SNTG2: variants seen among roughly 807,000 people sequenced by gnomAD.
SNTG2 encodes syntrophin gamma 2.
Under a neutral mutation model 70.9 loss-of-function variants are expected in SNTG2, and 74 were observed. That is an observed-to-expected ratio of 1.04 (90% CI 0.86 to 1.27). The LOEUF (loss-of-function observed/expected upper bound fraction) is 1.27. SNTG2 is among the 50% of genes most tolerant of loss of function. SNTG2 has a pLI of 0.00. For synonymous variants in SNTG2, 278 were observed against 273.8 expected (o/e 1.02, Z -0.15); for missense variants, 717 against 690.7 (o/e 1.04, Z -0.43).
intron 1 of SNTG2, among the ~76,000 whole-genome samples, chr2:1,047,738 T>C (rs1661818994): frequency 6.6e-6 from 1 of 152,228 alleles, no homozygotes; most frequent in South Asian, 2.1e-4. Flanking sequence ...TTTTATTTCC[T>C]CATGTTTGCA....
chr2:1,145,467 C>A (rs1197918982), intron 6 of SNTG2, among the ~76,000 whole-genome samples: 1 of 152,158 alleles, frequency 6.6e-6, no homozygotes, highest in African/African-American at 2.4e-5. Flanking sequence ...GGATAAAATG[C>A]ACCAATTCCT....
intron 2 of SNTG2, among the ~76,000 whole-genome samples, chr2:1,089,937 T>G (rs1478186696): frequency 6.6e-6 from 1 of 152,228 alleles, no homozygotes; most frequent in Non-Finnish European, 1.5e-5. Flanking sequence ...GAGTGAAGTG[T>G]GCCTCCACAT....
At chr2:1,260,216 GGTTT>G (rs759438225) in intron 13 of SNTG2, among the ~76,000 whole-genome samples, 12 of 152,110 alleles carry the variant, frequency 7.9e-5, no homozygotes, top group Non-Finnish European at 1.5e-4. Flanking sequence ...TTCAAAGTTT[GGTTT>G]GTTTTCTTAA....
chr2:1,147,215 G>C (rs115556423), intron 6 of SNTG2, among the ~76,000 whole-genome samples: 3,252 of 152,240 alleles, frequency 0.021, 116 homozygotes, highest in African/African-American at 0.074. Context: ...GACAAGGGTT[G>C]GGCTTGTGAT....
chr2:1,012,236 T>C (rs1056101390), intron 1 of SNTG2, among the ~76,000 whole-genome samples: 2 of 152,222 alleles, frequency 1.3e-5, no homozygotes, highest in African/African-American at 4.8e-5. Flanking sequence ...ATGCCTACAT[T>C]GCCAGGGACT....
intron 1 of SNTG2, among the ~76,000 whole-genome samples, chr2:1,050,994 A>G (rs990578609): frequency 1.3e-5 from 2 of 152,250 alleles, no homozygotes; most frequent in South Asian, 2.1e-4. Context: ...AAATATTGAC[A>G]TAATAAACTG....
At chr2:1,222,142 T>A (rs1358098120) in intron 9 of SNTG2, among the ~76,000 whole-genome samples, 2 of 151,324 alleles carry the variant, frequency 1.3e-5, no homozygotes, top group Non-Finnish European at 2.9e-5. Context: ...TCTGTCTCTC[T>A]CTGTCTCTGC....
chr2:1,048,229 T>C (rs890471652), intron 1 of SNTG2, among the ~76,000 whole-genome samples: 7 of 152,300 alleles, frequency 4.6e-5, no homozygotes, highest in African/African-American at 1.4e-4. Flanking sequence ...TTTACTGATA[T>C]ACAATATGCA....
At chr2:1,266,963 G>T (rs1372312705) in intron 13 of SNTG2, among the ~76,000 whole-genome samples, 1 of 151,858 alleles carries the variant, frequency 6.6e-6, no homozygotes, top group African/African-American at 2.4e-5. Flanking sequence ...TGAAGACAAG[G>T]TCTTGCCATG....
chr2:985,308 A>G (rs1249209893), intron 1 of SNTG2, among the ~76,000 whole-genome samples: 1 of 152,120 alleles, frequency 6.6e-6, no homozygotes. Flanking sequence ...TTTTTGGCAA[A>G]TTTAGAAACT....
At chr2:1,019,565 CT>C (rs1311983564) in intron 1 of SNTG2, among the ~76,000 whole-genome samples, 1 of 152,124 alleles carries the variant, frequency 6.6e-6, no homozygotes, top group African/African-American at 2.4e-5. Flanking sequence ...ATTGCACACT[CT>C]TCTGGAAAGA....
At chr2:1,011,453 G>A (rs932126538) in intron 1 of SNTG2, among the ~76,000 whole-genome samples, 1 of 152,160 alleles carries the variant, frequency 6.6e-6, no homozygotes, top group Non-Finnish European at 1.5e-5. Context: ...TACAAATGTG[G>A]AGACAAGTTT....
At chr2:1,330,392 A>C (rs1248329641) in intron 16 of SNTG2, among the ~76,000 whole-genome samples, 1 of 152,174 alleles carries the variant, frequency 6.6e-6, no homozygotes, top group Non-Finnish European at 1.5e-5. Context: ...AATACTGCCT[A>C]GCTAATTCCC....
intron 1 of SNTG2, among the ~76,000 whole-genome samples, chr2:1,064,064 G>A (rs1225142072): frequency 6.6e-6 from 1 of 152,098 alleles, no homozygotes; most frequent in South Asian, 2.1e-4. Flanking sequence ...AAATACTTAC[G>A]TAGAAATAAT....
intron 4 of SNTG2, among the ~76,000 whole-genome samples, chr2:1,103,852 G>C (rs558736906): frequency 6.6e-6 from 1 of 152,316 alleles, no homozygotes; most frequent in African/African-American, 2.4e-5. Context: ...CCTCTGTGCT[G>C]AGAGTAGAGA....
intron 6 of SNTG2, among the ~76,000 whole-genome samples, chr2:1,164,381 G>C (rs1310912661): frequency 8.3e-6 from 1 of 120,394 alleles, no homozygotes; most frequent in African/African-American, 3.3e-5. Context: ...TCTGTGTAGA[G>C]GAGAGGGCGA....
intron 14 of SNTG2, among the ~76,000 whole-genome samples, chr2:1,288,335 G>A (rs1463332448): frequency 6.6e-6 from 1 of 152,130 alleles, no homozygotes; most frequent in African/African-American, 2.4e-5. Context: ...CAGGCACAAG[G>A]TCTGAGATCC....
intron 16 of SNTG2, among the ~76,000 whole-genome samples, chr2:1,347,264 A>C (rs2148301047): frequency 6.6e-6 from 1 of 152,242 alleles, no homozygotes; most frequent in African/African-American, 2.4e-5. Context: ...TAAGAAGATC[A>C]AAACTTGAGA....
chr2:1,252,963 T>C (rs1431589503), intron 12 of SNTG2, among the ~76,000 whole-genome samples: 2 of 152,214 alleles, frequency 1.3e-5, no homozygotes, highest in Non-Finnish European at 2.9e-5. Context: ...CTGGTGGCAA[T>C]TTGCCAGTAG....
Sources: gnomAD v4.1 joint callset for allele counts (sites outside exome capture counted in the v4.1 genomes callset) on GRCh38, gnomAD v4.1.1 for gene constraint, MANE v1.5 for transcripts, NCBI Gene and HGNC (gene_info 2026-07-23, HGNC 2026-07-21) for gene names.